SEMA5A: variants seen among roughly 807,000 people sequenced by gnomAD.
SEMA5A encodes the protein semaphorin-5A.
In SEMA5A, 55 loss-of-function variants were observed where a neutral mutation model predicts 135.5. That is an observed-to-expected ratio of 0.41 (90% CI 0.33 to 0.51). The LOEUF (loss-of-function observed/expected upper bound fraction) is 0.51, where lower values mean the gene tolerates loss of function less well. SEMA5A is among the 20% of genes least tolerant of loss of function. The pLI, the probability that SEMA5A is intolerant of heterozygous loss-of-function variation, is 0.37. For missense variants in SEMA5A, 1,290 were observed against 1,419.9 expected, an observed-to-expected ratio of 0.91 and a Z score of 1.47; for synonymous variants, 580 against 546.5, an observed-to-expected ratio of 1.06 and a Z score of -0.85.
chr5:9,508,313 G>A (rs1002436909), intron 1 of SEMA5A, among the ~76,000 whole-genome samples: 2 of 152,102 alleles, frequency 1.3e-5, no homozygotes, highest in Non-Finnish European at 1.5e-5. Context: ...AGTAGTCACC[G>A]AATCGTGTAC....
intron 1 of SEMA5A, among the ~76,000 whole-genome samples, chr5:9,458,076 T>C (rs1270491771): frequency 6.6e-6 from 1 of 151,810 alleles, no homozygotes; most frequent in African/African-American, 2.4e-5. Flanking sequence ...CCCAGCTAAT[T>C]TTTTGTATTT....
At chr5:9,536,760 T>G (rs987635335) in intron 1 of SEMA5A, among the ~76,000 whole-genome samples, 4 of 152,222 alleles carry the variant, frequency 2.6e-5, no homozygotes, top group Non-Finnish European at 5.9e-5. Flanking sequence ...TTCTTTTCTA[T>G]TTACAGCCTG....
intron 16 of SEMA5A, among the ~76,000 whole-genome samples, chr5:9,080,104 T>C (rs1738291980): frequency 1.3e-5 from 2 of 152,170 alleles, no homozygotes; most frequent in Admixed American, 6.5e-5. Context: ...ACATGTATGT[T>C]TATTGCAGCA....
At chr5:9,465,673 A>G (rs1402960313) in intron 1 of SEMA5A, among the ~76,000 whole-genome samples, 1 of 152,240 alleles carries the variant, frequency 6.6e-6, no homozygotes. Context: ...TGGTAACACT[A>G]CACCATTTTC....
At chr5:9,110,480 G>T (rs1214165402) in intron 15 of SEMA5A, among the ~76,000 whole-genome samples, 2 of 152,250 alleles carry the variant, frequency 1.3e-5, no homozygotes, top group Admixed American at 1.3e-4. Flanking sequence ...AACGGCGATG[G>T]TGTTGGAAAG....
intron 13 of SEMA5A, among the ~76,000 whole-genome samples, chr5:9,123,758 C>G (rs1002559688): frequency 2.0e-5 from 3 of 152,138 alleles, no homozygotes; most frequent in Non-Finnish European, 4.4e-5. Flanking sequence ...GCAGCTGCAG[C>G]GCTTCTCTTT....
At chr5:9,467,028 C>A (rs1338722835) in intron 1 of SEMA5A, among the ~76,000 whole-genome samples, 1 of 152,230 alleles carries the variant, frequency 6.6e-6, no homozygotes, top group African/African-American at 2.4e-5. Context: ...AAACCAATAG[C>A]CTTCCCCAGA....
intron 16 of SEMA5A, among the ~76,000 whole-genome samples, chr5:9,084,428 T>C (rs1012185819): frequency 2.0e-5 from 3 of 152,142 alleles, no homozygotes; most frequent in African/African-American, 7.2e-5. Flanking sequence ...ATAATTCCCA[T>C]GTATTGTGGG....
intron 16 of SEMA5A, among the ~76,000 whole-genome samples, chr5:9,093,446 T>G (rs1196186799): frequency 6.6e-6 from 1 of 152,200 alleles, no homozygotes; most frequent in African/African-American, 2.4e-5. Context: ...TGGTAGCTCA[T>G]GCCTATAATC....
intron 2 of SEMA5A, among the ~76,000 whole-genome samples, chr5:9,386,691 C>T (rs1056995694): frequency 5.9e-5 from 9 of 152,226 alleles, no homozygotes; most frequent in South Asian, 2.1e-4. Flanking sequence ...ACTGCTTCCA[C>T]GTGAAAGGTT....
At chr5:9,126,258 A>G (rs1193401165) in intron 13 of SEMA5A, among the ~76,000 whole-genome samples, 1 of 152,086 alleles carries the variant, frequency 6.6e-6, no homozygotes, top group Non-Finnish European at 1.5e-5. Flanking sequence ...GGGTGGCTGG[A>G]GCAATCCTTA....
At chr5:9,537,444 TTGAC>T (rs1181003215) in intron 1 of SEMA5A, among the ~76,000 whole-genome samples, 1 of 152,172 alleles carries the variant, frequency 6.6e-6, no homozygotes, top group Non-Finnish European at 1.5e-5. Flanking sequence ...CAGTATTTTA[TTGAC>T]TAACTGAAAC....
At chr5:9,331,457 G>A (rs1753128057) in intron 4 of SEMA5A, among the ~76,000 whole-genome samples, 1 of 152,166 alleles carries the variant, frequency 6.6e-6, no homozygotes, top group African/African-American at 2.4e-5. Context: ...GGGTTCCTAT[G>A]TAAACAAACC....
intron 11 of SEMA5A, among the ~76,000 whole-genome samples, chr5:9,178,232 C>A (rs952284651): frequency 1.3e-5 from 2 of 151,822 alleles, no homozygotes; most frequent in African/African-American, 4.8e-5. Flanking sequence ...AAAGGAAACA[C>A]TTTCAGTTAT....
chr5:9,141,654 ACTTTC>A (rs1381888393), intron 12 of SEMA5A, among the ~76,000 whole-genome samples: 1 of 152,210 alleles, frequency 6.6e-6, no homozygotes, highest in Non-Finnish European at 1.5e-5. Flanking sequence ...ATAAATGTCT[ACTTTC>A]CTTTCCACAT....
At chr5:9,200,012 A>G (rs1018761383) in intron 9 of SEMA5A, among the ~76,000 whole-genome samples, 2 of 152,198 alleles carry the variant, frequency 1.3e-5, no homozygotes, top group Non-Finnish European at 2.9e-5. Context: ...AGTATCGGAC[A>G]GCTTTCTGAT....
chr5:9,098,476 A>T (rs1430150103), intron 16 of SEMA5A, among the ~76,000 whole-genome samples: 2 of 152,220 alleles, frequency 1.3e-5, no homozygotes, highest in Non-Finnish European at 2.9e-5. Context: ...CAAATCCGTC[A>T]GCAGCACTAC....
In SEMA5A at chr5:9,504,237, AAAC is replaced by A. The variant is rs1437905361; in HGVS notation, c.-175+41344_-175+41346del. On this transcript the variant is annotated intron_variant, in intron 1 of 22. Transcript: ENST00000382496. ...CAAAAAAAAAAAGAAAAAAAAAAAA[AAAC>A]AAAAGAAAAGAAAAGAAATACATTT... Among the ~76,000 whole-genome samples the A allele has an allele frequency of 2.0e-5, 3 of 151,234 alleles. No individual in the cohort carries two copies. The East Asian group carries it at 5.8e-4, about 29-fold the overall frequency.
chr5:9,124,293 C>T (rs914935672), intron 13 of SEMA5A, among the ~76,000 whole-genome samples: 2 of 152,162 alleles, frequency 1.3e-5, no homozygotes, highest in Non-Finnish European at 2.9e-5. Context: ...GAAGAAGGGA[C>T]GGCTTCTTGC....
Sources: allele counts gnomAD v4.1 joint callset (sites outside exome capture counted in the v4.1 genomes callset), GRCh38; gene constraint gnomAD v4.1.1; transcripts MANE v1.5; gene names NCBI Gene and HGNC (gene_info 2026-07-23, HGNC 2026-07-21).